The following MAST4 variants were observed in gnomAD, a reference collection of about 807,000 sequenced individuals.
MAST4 encodes the protein microtubule-associated serine/threonine-protein kinase 4.
In MAST4, 89 loss-of-function variants were observed where a neutral mutation model predicts 162.7. That is an observed-to-expected ratio of 0.55 (90% CI 0.46 to 0.65). The LOEUF (loss-of-function observed/expected upper bound fraction) is 0.65, where lower values mean the gene tolerates loss of function less well. Among genes scored for constraint, MAST4 ranks in the 30% least tolerant of loss-of-function variants. The probability of loss-of-function intolerance (pLI) is 0.00; values close to 1 mark genes in which losing one functional copy is unlikely to be tolerated. For synonymous variants in MAST4, 1,479 were observed against 1,361.1 expected (o/e 1.09, Z -1.91); for missense variants, 3,153 against 3,374.0 (o/e 0.93, Z 1.62).
At chr5:66,758,394 T>C (rs1753672101) in intron 1 of MAST4, among the ~76,000 whole-genome samples, 1 of 151,284 alleles carries the variant, frequency 6.6e-6, no homozygotes, top group Non-Finnish European at 1.5e-5. Context: ...TAAATAGAAA[T>C]AAATATTTCT....
At chr5:66,918,073 G>C in intron 4 of MAST4, among the ~76,000 whole-genome samples, 1 of 152,064 alleles carries the variant, frequency 6.6e-6, no homozygotes, top group Non-Finnish European at 1.5e-5. Context: ...ACTTCTGTCA[G>C]TTTTAATTCT....
chr5:67,049,767 T>C (rs1193680428), intron 4 of MAST4, among the ~76,000 whole-genome samples: 1 of 152,226 alleles, frequency 6.6e-6, no homozygotes, highest in Non-Finnish European at 1.5e-5. Flanking sequence ...GTTTCCTCTC[T>C]TCATTTTTCT....
chr5:67,094,489 A>G (rs935404118), intron 6 of MAST4, among the ~76,000 whole-genome samples: 3 of 152,220 alleles, frequency 2.0e-5, no homozygotes, highest in Non-Finnish European at 4.4e-5. Flanking sequence ...GAATTACAAA[A>G]TGTCCATATA....
chr5:66,749,189 G>T (rs1024790718), intron 1 of MAST4, among the ~76,000 whole-genome samples: 2 of 152,024 alleles, frequency 1.3e-5, no homozygotes, highest in African/African-American at 2.4e-5. Context: ...GTGTGTCTGT[G>T]TGCCAGCTCT....
intron 4 of MAST4, among the ~76,000 whole-genome samples, chr5:66,990,303 A>G (rs549083079): frequency 6.6e-6 from 1 of 152,202 alleles, no homozygotes; most frequent in Non-Finnish European, 1.5e-5. Context: ...TAAGTAACTT[A>G]TCCAAGATCA....
At chr5:67,110,343 ATG>A in intron 11 of MAST4, 144 bp downstream of exon 11, 1 of 620,400 alleles carries the variant, frequency 1.6e-6, no homozygotes, top group Non-Finnish European at 2.9e-6. Flanking sequence ...GTTTATGATG[ATG>A]TCGATATGTG....
chr5:66,763,663 G>A (rs1224648552), intron 2 of MAST4, among the ~76,000 whole-genome samples: 1 of 152,098 alleles, frequency 6.6e-6, no homozygotes, highest in Non-Finnish European at 1.5e-5. Context: ...AAATCCCATT[G>A]TTAAATGGTC....
chr5:66,959,178 T>G, intron 4 of MAST4: 1 of 778,474 alleles, frequency 1.3e-6, no homozygotes, highest in Non-Finnish European at 2.4e-6. Flanking sequence ...TTTGGCTCTC[T>G]GTCATCACCG....
intron 4 of MAST4, among the ~76,000 whole-genome samples, chr5:67,016,559 T>G (rs1360948400): frequency 1.3e-5 from 2 of 152,208 alleles, no homozygotes; most frequent in African/African-American, 2.4e-5. Context: ...TTACTTTGTT[T>G]TAAGATTGCT....
At chr5:67,037,915 G>A (rs887391067) in intron 4 of MAST4, among the ~76,000 whole-genome samples, 46 of 150,642 alleles carry the variant, frequency 3.1e-4, no homozygotes, top group African/African-American at 1.0e-3. Context: ...TTAATTGTTC[G>A]TTCTTCTGGT....
At chr5:66,803,464 G>A (rs1273414493) in intron 3 of MAST4, among the ~76,000 whole-genome samples, 1 of 134,316 alleles carries the variant, frequency 7.4e-6, no homozygotes, top group African/African-American at 2.8e-5. Context: ...ATCAATTGGG[G>A]GAAATTGACA....
intron 4 of MAST4, among the ~76,000 whole-genome samples, chr5:66,999,037 A>G (rs915516461): frequency 6.6e-6 from 1 of 152,172 alleles, no homozygotes; most frequent in Non-Finnish European, 1.5e-5. Flanking sequence ...TAATTGGATT[A>G]CTGGCTTGGG....
At chr5:66,911,477 G>A (rs1448524039) in intron 4 of MAST4, among the ~76,000 whole-genome samples, 1 of 150,780 alleles carries the variant, frequency 6.6e-6, no homozygotes, top group Admixed American at 6.6e-5. Context: ...CAAGACAGGG[G>A]GATTGCTTGA....
chr5:66,668,156 ATTAG>A (rs1747378400), intron 1 of MAST4, among the ~76,000 whole-genome samples: 2 of 152,230 alleles, frequency 1.3e-5, no homozygotes, highest in Non-Finnish European at 2.9e-5. Flanking sequence ...TAAAGAAATA[ATTAG>A]TTATACTTTC....
At chr5:67,104,803 A>T (rs1487116128) in intron 10 of MAST4, among the ~76,000 whole-genome samples, 2 of 152,120 alleles carry the variant, frequency 1.3e-5, no homozygotes. Context: ...GAATCTTAGG[A>T]CCCAACAATC....
chr5:66,898,923 A>G (rs1444389633), intron 3 of MAST4, among the ~76,000 whole-genome samples: 1 of 152,216 alleles, frequency 6.6e-6, no homozygotes, highest in African/African-American at 2.4e-5. Flanking sequence ...CCTGCTGTCC[A>G]TGACAAACAT....
intron 4 of MAST4, chr5:66,963,794 A>G (rs993284143): frequency 2.6e-6 from 2 of 779,668 alleles, no homozygotes; most frequent in Non-Finnish European, 4.8e-6. Flanking sequence ...GGAGGTAAGC[A>G]TGCTCCAGGG....
intron 8 of MAST4, 103 bp downstream of exon 8, chr5:67,100,695 T>C: frequency 1.5e-6 from 2 of 1,310,116 alleles, no homozygotes; most frequent in Non-Finnish European, 2.1e-6. Context: ...GTTAACTGAC[T>C]TGCAAACTAT....
At chr5:66,895,808 T>C (rs909412071) in intron 3 of MAST4, among the ~76,000 whole-genome samples, 2 of 152,192 alleles carry the variant, frequency 1.3e-5, no homozygotes, top group Non-Finnish European at 2.9e-5. Context: ...AGTCTTCCCT[T>C]CTCCCTGTCT....
Sources: gnomAD v4.1 joint callset for allele counts (sites outside exome capture counted in the v4.1 genomes callset) on GRCh38, gnomAD v4.1.1 for gene constraint, MANE v1.5 for transcripts, NCBI Gene and HGNC (gene_info 2026-07-23, HGNC 2026-07-21) for gene names.